The following CRACR2A variants were observed in gnomAD, a reference collection of about 807,000 sequenced individuals.
CRACR2A encodes the protein calcium release activated channel regulator 2A, also known as EF-hand calcium-binding domain-containing protein 4B.
A neutral mutation model predicts 90.5 loss-of-function variants in CRACR2A; 79 were observed. That is an observed-to-expected ratio of 0.87 (90% confidence interval 0.73 to 1.05). The LOEUF (loss-of-function observed/expected upper bound fraction) is 1.05. Ranked by LOEUF, CRACR2A falls within the 50% of genes least tolerant of loss-of-function variation. The pLI is 0.00. For synonymous variants in CRACR2A, 338 were observed against 356.7 expected, an observed-to-expected ratio of 0.95 and a Z score of 0.59; for missense variants, 823 against 897.2, an observed-to-expected ratio of 0.92 and a Z score of 1.06.
intron 2 of CRACR2A, chr12:3,726,435 T>A (rs555352140): frequency 5.9e-5 from 9 of 152,208 alleles, no homozygotes; most frequent in Admixed American, 3.3e-4. Context: ...CTACCTATAA[T>A]GGTTAAGTTT....
chr12:3,648,630 C>A lies in CRACR2A; in HGVS notation c.1047-17G>T, dbSNP rs1164358486. 6.2e-7 allele frequency: 1 copy of A among 1,606,056 alleles called. No homozygotes were observed. The highest frequency in any genetic ancestry group is 8.5e-7 in the Non-Finnish European group (1 of 1,173,930). On this transcript the variant is annotated splice_polypyrimidine_tract_variant and intron_variant, in intron 10 of 19. Transcript: ENST00000440314. ...TACACTTCCCTGAGGAGGAGGCAAACACATGGCAGTGAGCTCCCAGGTGGA... is the reference window on the plus strand; with the variant it reads ...TACACTTCCCTGAGGAGGAGGCAAAAACATGGCAGTGAGCTCCCAGGTGGA...
chr12:3,629,492 C>T (rs1944339680), intron 15 of CRACR2A, among the ~76,000 whole-genome samples: 1 of 152,210 alleles, frequency 6.6e-6, no homozygotes, highest in African/African-American at 2.4e-5. Context: ...AGGGGAAAGG[C>T]CTCCATGGTC....
chr12:3,659,502 G>A, intron 8 of CRACR2A, 62 bp downstream of exon 8: 1 of 1,479,596 alleles, frequency 6.8e-7, no homozygotes, highest in South Asian at 1.1e-5. Context: ...CTTAAACCTG[G>A]GGGAGACAGA....
intron 3 of CRACR2A, among the ~76,000 whole-genome samples, chr12:3,697,253 G>A (rs924358302): frequency 6.6e-6 from 1 of 152,180 alleles, no homozygotes; most frequent in Non-Finnish European, 1.5e-5. Context: ...AGGGAAGAGT[G>A]CGGAAAGAAG....
rs1565470754 is a variant in CRACR2A at position 3,643,766 on chromosome 12, A to ATATATATAGTT, written c.1164+828_1164+829insAACTATATATA. Among the ~76,000 whole-genome samples, 11 of 37,228 alleles carry ATATATATAGTT rather than the reference A, an allele frequency of 3.0e-4. No individual in the cohort carries two copies. In the East Asian group the frequency reaches 7.1e-3, roughly 24 times the overall value. The allele number at this position is 37,228 out of a possible 152,430, so 24.4% of individuals were successfully genotyped here. ...ACATACATATATATGCACACAGACT[A>ATATATATAGTT]TATATATATAGTTTATATATATATT... On this transcript the variant is annotated intron_variant, in intron 12 of 19. Coordinates refer to ENST00000440314, the MANE Select transcript of CRACR2A (RefSeq NM_001144958.2).
At chr12:3,750,183 G>A (rs148474594) in intron 1 of CRACR2A, among the ~76,000 whole-genome samples, 5,750 of 151,888 alleles carry the variant, frequency 0.038, 358 homozygotes, top group African/African-American at 0.13. Context: ...TGATCCACCC[G>A]CCTCAGCTTC....
At chr12:3,693,770 C>G (rs1474300453) in intron 4 of CRACR2A, among the ~76,000 whole-genome samples, 1 of 152,098 alleles carries the variant, frequency 6.6e-6, no homozygotes, top group Non-Finnish European at 1.5e-5. Context: ...CTTGGAGAAT[C>G]TGATTATTAT....
intron 1 of CRACR2A, among the ~76,000 whole-genome samples, chr12:3,745,825 T>TAAAATAAAATAAAATAAAATAAAAG (rs149739964): frequency 8.0e-5 from 8 of 100,486 alleles, no homozygotes; most frequent in Non-Finnish European, 1.4e-4. Context: ...TAAAATAAAA[T>TAAAATAAAATAAAATAAAATAAAAG]AAAGAAAGAA....
At chr12:3,696,099 T>G (rs986180619) in intron 4 of CRACR2A, among the ~76,000 whole-genome samples, 1 of 152,264 alleles carries the variant, frequency 6.6e-6, no homozygotes, top group African/African-American at 2.4e-5. Flanking sequence ...AAAGTTTTAT[T>G]GGAACACGGC....
intron 12 of CRACR2A, among the ~76,000 whole-genome samples, chr12:3,644,049 C>CAT (rs71441831): frequency 0.051 from 6,756 of 133,476 alleles, 215 homozygotes; most frequent in Admixed American, 0.098. Context: ...TTCTACGACT[C>CAT]ATATATATAT....
At chr12:3,708,340 T>C (rs1945959195) in intron 3 of CRACR2A, among the ~76,000 whole-genome samples, 3 of 152,250 alleles carry the variant, frequency 2.0e-5, no homozygotes, top group Admixed American at 2.0e-4. Flanking sequence ...GGAACTTTGC[T>C]GAGATCTCAC....
chr12:3,740,189 C>T (rs1332819876), intron 1 of CRACR2A, among the ~76,000 whole-genome samples: 3 of 152,110 alleles, frequency 2.0e-5, no homozygotes, highest in Non-Finnish European at 4.4e-5. Flanking sequence ...CCCCAACCCC[C>T]ATGCTGGAGA....
At chr12:3,628,570 C>T (rs919149447) in intron 15 of CRACR2A, among the ~76,000 whole-genome samples, 1 of 152,176 alleles carries the variant, frequency 6.6e-6, no homozygotes, top group Non-Finnish European at 1.5e-5. Context: ...CAGTGAAGTG[C>T]ATTCTGCATC....
chr12:3,672,017 T>G lies in CRACR2A; in HGVS notation c.671+1429A>C, dbSNP rs140961138. ...GTAATGGCTACATAAAAATATACCC[T>G]TTAATCCTTCCCTTCTCTGAGCTTT... On this transcript the variant is annotated intron_variant, in intron 7 of 19. Transcript: ENST00000440314. Among the ~76,000 whole-genome samples, 1,122 of 152,308 alleles carry G rather than the reference T, an allele frequency of 7.4e-3. 16 individuals are homozygous for G. Among genetic ancestry groups the G allele is most frequent in the African/African-American group, 0.026 (1,074 of 41,560 alleles).
At chr12:3,716,856 C>A (rs1946090551) in intron 2 of CRACR2A, among the ~76,000 whole-genome samples, 1 of 152,076 alleles carries the variant, frequency 6.6e-6, no homozygotes, top group Admixed American at 6.6e-5. Flanking sequence ...CAAACTAGAT[C>A]CTGTTCAGAT....
chr12:3,646,036 G>A (rs186024185), intron 11 of CRACR2A, among the ~76,000 whole-genome samples: 17 of 152,222 alleles, frequency 1.1e-4, no homozygotes, highest in African/African-American at 2.2e-4. Context: ...TACATCCACC[G>A]TAACAGAGAA....
chr12:3,750,357 A>G (rs962794811), intron 1 of CRACR2A, among the ~76,000 whole-genome samples: 5 of 152,110 alleles, frequency 3.3e-5, no homozygotes. Flanking sequence ...GCCACTCACT[A>G]ACAGCTGACA....
chr12:3,633,474 C>A lies in CRACR2A; in HGVS notation c.1735+130G>T, dbSNP rs972843692. The A allele has an allele frequency of 8.7e-6, 11 of 1,261,302 alleles. No homozygotes were observed. In the African/African-American group the frequency reaches 1.0e-4, roughly 12 times the overall value. The allele number at this position is 1,261,302 out of a possible 1,614,324, so 78.1% of individuals were successfully genotyped here. On this transcript the variant is annotated intron_variant, in intron 15 of 19. Coordinates refer to ENST00000440314, the MANE Select transcript of CRACR2A (RefSeq NM_001144958.2). This position sits in a 1 kb window ranked among gnomAD's most constrained non-coding sequence, Gnocchi z 4.5. ...GCCTGTCTGTTGAACAGAGCAGACA[C>A]CAGTATCCCTACTGGCCAATCCCCA...
intron 3 of CRACR2A, among the ~76,000 whole-genome samples, chr12:3,708,954 T>C (rs1945971102): frequency 6.6e-6 from 1 of 152,228 alleles, no homozygotes; most frequent in African/African-American, 2.4e-5. Flanking sequence ...TCAAAGCCTC[T>C]CTTTCTCTTG....
Sources: gnomAD v4.1 joint callset for allele counts (sites outside exome capture counted in the v4.1 genomes callset) on GRCh38, gnomAD v4.1.1 for gene constraint, Gnocchi (gnomAD v3.1) non-coding constraint, MANE v1.5 for transcripts, NCBI Gene and HGNC (gene_info 2026-07-23, HGNC 2026-07-21) for gene names.